Variants in TCF15 observed in about 807,000 individuals in gnomAD.
TCF15 encodes the protein TCF-15.
Under a neutral mutation model 11.1 loss-of-function variants are expected in TCF15, and 7 were observed. That is an observed-to-expected ratio of 0.63 (90% CI 0.36 to 1.19). TCF15 has a LOEUF of 1.19. Among genes scored for constraint, TCF15 ranks in the 50% most tolerant of loss-of-function variants. The pLI, the probability that TCF15 is intolerant of heterozygous loss-of-function variation, is 0.02. For synonymous variants in TCF15, 144 were observed against 138.9 expected (o/e 1.04, Z -0.26); for missense variants, 288 against 289.4 (o/e 1.00, Z 0.03).
At chr20:607,565 G>A (rs1477882112) in intron 1 of TCF15, among the ~76,000 whole-genome samples, 1 of 152,248 alleles carries the variant, frequency 6.6e-6, no homozygotes, top group African/African-American at 2.4e-5. Context: ...AGACCGTGGG[G>A]TTGAGAGCAT....
Position 610,212 on chromosome 20 carries a change from A to T in TCF15, c.26T>A (p.Val9Asp), listed in dbSNP as rs1275071253. 9.7e-7 allele frequency: 1 copy of T among 1,027,730 alleles called. No homozygotes were observed. Among genetic ancestry groups the T allele is most frequent in the Non-Finnish European group, 1.2e-6 (1 of 854,752 alleles). The allele number at this position is 1,027,730 out of a possible 1,614,324, so 63.7% of individuals were successfully genotyped here. A position where few individuals can be genotyped will look rare whatever the true frequency, so the allele number is the denominator to read the frequency against. MAFALLRP[V>D]GAHVLYPDVR... ...GTCCGGGTACAGCACGTGCGCGCCG[A>T]CGGGCCGCAGCAGCGCGAACGCCAT... Residue 9 changes from valine (V) to aspartate (D), a missense_variant, in exon 1 of 2, where the codon GTC (valine) becomes GAC (aspartate). By Grantham distance (152) the Val-to-Asp change is radical (BLOSUM62 -3). Transcript: ENST00000246080.
Position 610,025 on chromosome 20 carries a change from C to T in TCF15, c.213G>A (p.Val71=). The T allele has an allele frequency of 2.3e-6, 3 of 1,304,612 alleles. No homozygotes were observed. The highest frequency in any genetic ancestry group is 2.9e-4 in the Middle Eastern group (1 of 3,456). The allele number at this position is 1,304,612 out of a possible 1,614,324, so 80.8% of individuals were successfully genotyped here. The change falls in exon 1 of 2, where the codon GTG becomes GTA. Residue 71 remains valine, a synonymous_variant. Coordinates refer to ENST00000246080, the MANE Select transcript of TCF15 (RefSeq NM_004609.4). ...GCGCGTTGGCCGCCTGCCGCTGTCG[C>T]ACCACCACCACGGGGCCCGCGCCGC... ...GGGGAGPVVV[V]RQRQAANARE... is the part of the protein sequence containing the mutation.
At chr20:608,437 C>T (rs896663476) in intron 1 of TCF15, among the ~76,000 whole-genome samples, 1 of 152,222 alleles carries the variant, frequency 6.6e-6, no homozygotes, top group Non-Finnish European at 1.5e-5. Flanking sequence ...CCTTAAAGGC[C>T]CACTCCTGGC....
chr20:606,343 T>C (rs2122237703), intron 1 of TCF15, among the ~76,000 whole-genome samples: 1 of 152,130 alleles, frequency 6.6e-6, no homozygotes, highest in East Asian at 1.9e-4. Context: ...AGCCGCCCCC[T>C]CCCACCCCAA....
Position 604,743 on chromosome 20 carries a change from A to T in TCF15, c.526-78T>A. ...CTGGAACTAACCTCTGTATCCCTCA[A>T]GAGGGATCCTGATCAATAAATCACA... On this transcript the variant is annotated intron_variant, in intron 1 of 1. Transcript: ENST00000246080. The surrounding 1 kb of genome is among the most constrained non-coding windows in gnomAD (Gnocchi z 4.2). The T allele has an allele frequency of 1.8e-6, 2 of 1,101,874 alleles. No individual in the cohort carries two copies. The highest frequency in any genetic ancestry group is 2.6e-6 in the Non-Finnish European group (2 of 776,708). The allele number at this position is 1,101,874 out of a possible 1,614,324, so 68.3% of individuals were successfully genotyped here.
intron 1 of TCF15, among the ~76,000 whole-genome samples, chr20:605,352 C>A (rs1038297726): frequency 2.6e-5 from 4 of 152,228 alleles, no homozygotes; most frequent in African/African-American, 9.6e-5. Context: ...GACTCGGTTT[C>A]TGGCCTCCTT....
intron 1 of TCF15, among the ~76,000 whole-genome samples, chr20:606,946 C>G (rs886888211): frequency 6.6e-6 from 1 of 152,124 alleles, no homozygotes; most frequent in African/African-American, 2.4e-5. Flanking sequence ...AGGCTTCGAT[C>G]CCTACTTTGC....
Position 610,087 on chromosome 20 carries a change from G to GGCCGC in TCF15, c.146_150dup (p.Pro51AlafsTer40), listed in dbSNP as rs2020011492. 3 of 984,222 alleles carry GGCCGC rather than the reference G, an allele frequency of 3.0e-6. No homozygotes were observed. Among genetic ancestry groups the GGCCGC allele is most frequent in the African/African-American group, 1.8e-5 (1 of 56,526 alleles). 61.0% of individuals were successfully genotyped at this position (984,222 alleles called of 1,614,324 possible). On this transcript the variant is annotated frameshift_variant, in exon 1 of 2. Coordinates refer to ENST00000246080, the MANE Select transcript of TCF15 (RefSeq NM_004609.4). LOFTEE classifies it high-confidence loss of function. ...GCCCGCCGCCCGCCCCCGGGGCCCG[G>GGCCGC]GCCGCGCCGCGCCGCCTCCGGGCCC...
At position 609,586 on chromosome 20, in the gene TCF15, A is replaced by G. The variant is rs573828987; in HGVS notation, c.525+127T>C. 4 of 1,142,194 alleles carry G rather than the reference A, an allele frequency of 3.5e-6. No individual in the cohort carries two copies. The African/African-American group carries it at 6.5e-5, about 19-fold the overall frequency. The allele number at this position is 1,142,194 out of a possible 1,614,324, so 70.8% of individuals were successfully genotyped here. ...GTTCTGGGCTTGGGGTGCCGCACCC[A>G]GCACGAATTCCACGTCGCTTCCCCC... On this transcript the variant is annotated intron_variant, in intron 1 of 1. Coordinates refer to ENST00000246080, the MANE Select transcript of TCF15 (RefSeq NM_004609.4). The surrounding 1 kb of genome is among the most constrained non-coding windows in gnomAD (Gnocchi z 4.7).
Position 609,801 on chromosome 20 carries a change from C to A in TCF15, c.437G>T (p.Ser146Ile). 1 of 1,487,336 alleles carries A rather than the reference C, an allele frequency of 6.7e-7. No individual in the cohort carries two copies. Among genetic ancestry groups the A allele is most frequent in the Non-Finnish European group, 8.9e-7 (1 of 1,129,480 alleles). The allele number at this position is 1,487,336 out of a possible 1,614,324, so 92.1% of individuals were successfully genotyped here. The change falls in exon 1 of 2, where the codon AGT becomes ATT. Residue 146 changes from serine (S) to isoleucine (I), a missense_variant. Transcript: ENST00000246080. This position sits in a 1 kb window ranked among gnomAD's most constrained non-coding sequence, Gnocchi z 4.7. The part of the protein sequence containing the change: ...DGQPCFRAAG[S>I]AKGAVPAAAD... ...GGCGGCGGGGACGGCGCCCTTGGCA[C>A]TGCCCGCGGCACGGAAGCACGGCTG...
chr20:606,128 C>A (rs779217195), intron 1 of TCF15, among the ~76,000 whole-genome samples: 1 of 152,052 alleles, frequency 6.6e-6, no homozygotes, highest in Non-Finnish European at 1.5e-5. Context: ...GCTCTTGCAG[C>A]CCAGGGACAG....
chr20:607,343 CTG>C (rs1195230464), intron 1 of TCF15, among the ~76,000 whole-genome samples: 2 of 152,342 alleles, frequency 1.3e-5, no homozygotes, highest in Admixed American at 6.5e-5. Context: ...CTACAGGAAA[CTG>C]TTTCCACGGC....
chr20:609,710 C>T lies in TCF15; in HGVS notation c.525+3G>A. 1 of 1,370,194 alleles carries T rather than the reference C, an allele frequency of 7.3e-7. No individual in the cohort carries two copies. Among genetic ancestry groups the T allele is most frequent in the Admixed American group, 4.0e-5 (1 of 25,080 alleles). The allele number at this position is 1,370,194 out of a possible 1,614,324, so 84.9% of individuals were successfully genotyped here. Reference sequence around the variant, plus strand: ...GCCGCAGCGAGGGACGCAGCACACTCACCCCCTTGCGCTGGTTGCTGAGGC... The same window carrying T: ...GCCGCAGCGAGGGACGCAGCACACTTACCCCCTTGCGCTGGTTGCTGAGGC... On this transcript the variant is annotated splice_donor_region_variant and intron_variant, in intron 1 of 1. Coordinates refer to ENST00000246080, the MANE Select transcript of TCF15 (RefSeq NM_004609.4). This position sits in a 1 kb window ranked among gnomAD's most constrained non-coding sequence, Gnocchi z 4.7.
rs368082189 is a variant in TCF15 at position 604,618 on chromosome 20, C to T, written c.573G>A (p.Val191=). ...LGGSCLKVRG[V]APLRGPRR ...ATCTCCGTGGCCCTCGAAGGGGGGC[C>T]ACCCCCCTCACCTTCAAGCAGCTGC... The change falls in exon 2 of 2, where the codon GTG becomes GTA. Residue 191 remains valine (V), a synonymous_variant. Transcript: ENST00000246080. The surrounding 1 kb of genome is among the most constrained non-coding windows in gnomAD (Gnocchi z 4.2). 5 of 1,553,716 alleles carry T rather than the reference C, an allele frequency of 3.2e-6. No homozygotes were observed. Among genetic ancestry groups the T allele is most frequent in the African/African-American group, 2.7e-5 (2 of 73,228 alleles).
In TCF15 at chr20:609,095, C is replaced by T. The variant is rs1009943029; in HGVS notation, c.525+618G>A. Among the ~76,000 whole-genome samples the T allele has an allele frequency of 2.2e-4, 33 of 152,144 alleles. No individual in the cohort carries two copies. Among genetic ancestry groups the T allele is most frequent in the Non-Finnish European group, 4.4e-4 (30 of 68,024 alleles). ...CCCCTTCTTCACTCCTACTGCTCAT[C>T]CGCTGGGTACCTCAGGCTCTCGGTT... is the stretch of plus-strand genomic sequence containing the variant. On this transcript the variant is annotated intron_variant, in intron 1 of 1. Coordinates refer to ENST00000246080, the MANE Select transcript of TCF15 (RefSeq NM_004609.4). This position sits in a 1 kb window ranked among gnomAD's most constrained non-coding sequence, Gnocchi z 4.7.
In TCF15 at chr20:609,629, C is replaced by T. The variant is rs1034603491; in HGVS notation, c.525+84G>A. On this transcript the variant is annotated intron_variant, in intron 1 of 1. Coordinates refer to ENST00000246080, the MANE Select transcript of TCF15 (RefSeq NM_004609.4). This position sits in a 1 kb window ranked among gnomAD's most constrained non-coding sequence, Gnocchi z 4.7. ...CTTCCCCCTGGCCTCGTTGGGGACC[C>T]CTGCACCTCTCCGGTTCCCGCAGAG... The T allele has an allele frequency of 5.0e-5, 65 of 1,302,444 alleles. No individual in the cohort carries two copies. The highest frequency in any genetic ancestry group is 5.7e-5 in the Non-Finnish European group (59 of 1,031,736). 80.7% of individuals were successfully genotyped at this position (1,302,444 alleles called of 1,614,324 possible).
At chr20:607,394 G>C (rs1044307010) in intron 1 of TCF15, among the ~76,000 whole-genome samples, 1 of 152,204 alleles carries the variant, frequency 6.6e-6, no homozygotes, top group Non-Finnish European at 1.5e-5. Context: ...GAGGGAGGTG[G>C]TGGCTCAGGG....
chr20:609,879 T>G lies in TCF15; in HGVS notation c.359A>C (p.Tyr120Ser). 6.5e-7 allele frequency: 1 copy of G among 1,527,186 alleles called. No individual in the cohort carries two copies. Among genetic ancestry groups the G allele is most frequent in the Non-Finnish European group, 8.7e-7 (1 of 1,147,764 alleles). The allele number at this position is 1,527,186 out of a possible 1,614,324, so 94.6% of individuals were successfully genotyped here. Residue 120 changes from tyrosine (Y) to serine (S), a missense_variant, in exon 1 of 2, where the codon TAC (tyrosine) becomes TCC (serine). Physicochemically the swap from Tyr to Ser is moderately radical, Grantham distance 144. Transcript: ENST00000246080. The surrounding 1 kb of genome is among the most constrained non-coding windows in gnomAD (Gnocchi z 4.7). ...CAGCACGTTGGCCAGGTGCGCGATG[T>G]AGCTGGACGCCAGGCGCACGGTCTC... Reference protein sequence around the residue: ...KIETVRLASSYIAHLANVLLL... With the variant: ...KIETVRLASSSIAHLANVLLL...
intron 1 of TCF15, among the ~76,000 whole-genome samples, chr20:608,357 G>A (rs2019993299): frequency 6.6e-6 from 1 of 152,204 alleles, no homozygotes; most frequent in African/African-American, 2.4e-5. Context: ...GTTGCTAACT[G>A]GAATGAATGG....
Sources: allele counts gnomAD v4.1 joint callset (sites outside exome capture counted in the v4.1 genomes callset), GRCh38; gene constraint gnomAD v4.1.1; non-coding constraint Gnocchi (gnomAD v3.1); transcripts MANE v1.5; gene names NCBI Gene and HGNC (gene_info 2026-07-23, HGNC 2026-07-21).